The following SLC22A15 variants were observed in gnomAD, a reference collection of about 807,000 sequenced individuals.
SLC22A15 encodes flipt 1.
In SLC22A15, 45 loss-of-function variants were observed where a neutral mutation model predicts 62.7. That is an observed-to-expected ratio of 0.72 (90% CI 0.56 to 0.92). SLC22A15 has a LOEUF of 0.92. SLC22A15 is among the 40% of genes least tolerant of loss of function. The pLI, the probability that SLC22A15 is intolerant of heterozygous loss-of-function variation, is 0.00. For missense variants in SLC22A15, 622 were observed against 665.6 expected, an observed-to-expected ratio of 0.93 and a Z score of 0.72; for synonymous variants, 264 against 267.0, an observed-to-expected ratio of 0.99 and a Z score of 0.11.
At chr1:116,030,256 A>C (rs1347224565) in intron 5 of SLC22A15, among the ~76,000 whole-genome samples, 1 of 152,108 alleles carries the variant, frequency 6.6e-6, no homozygotes, top group Non-Finnish European at 1.5e-5. Context: ...CCATTACATT[A>C]CTCTGTACAA....
chr1:116,053,934 C>A (rs1443707103), intron 8 of SLC22A15, among the ~76,000 whole-genome samples: 1 of 151,036 alleles, frequency 6.6e-6, no homozygotes, highest in South Asian at 2.1e-4. Context: ...CAACCGGTAC[C>A]AGCCGCTGCA....
At chr1:116,066,948 C>A in intron 11 of SLC22A15, 71 bp from the exon 12 acceptor site, 2 of 1,219,158 alleles carry the variant, frequency 1.6e-6, no homozygotes, top group Non-Finnish European at 2.4e-6. Context: ...AGTTGAATAG[C>A]TAGATGGTAG....
At chr1:116,002,748 G>A (rs929658509) in intron 2 of SLC22A15, among the ~76,000 whole-genome samples, 3 of 152,048 alleles carry the variant, frequency 2.0e-5, no homozygotes, top group African/African-American at 7.2e-5. Context: ...AGGGGAATGG[G>A]TTCCCTTCTG....
At chr1:116,033,766 G>A (rs1161031366) in intron 6 of SLC22A15, among the ~76,000 whole-genome samples, 1 of 152,130 alleles carries the variant, frequency 6.6e-6, no homozygotes, top group Non-Finnish European at 1.5e-5. Flanking sequence ...AGATACCTGG[G>A]AGACAGTGAG....
chr1:116,014,108 A>C (rs1656411655), intron 2 of SLC22A15: 1 of 152,154 alleles, frequency 6.6e-6, no homozygotes. Flanking sequence ...TATAAATATC[A>C]AAAAAAGAAA....
intron 2 of SLC22A15, among the ~76,000 whole-genome samples, chr1:116,006,999 T>C (rs1656015059): frequency 6.6e-6 from 1 of 152,176 alleles, no homozygotes; most frequent in African/African-American, 2.4e-5. Flanking sequence ...ATGCGTAGAC[T>C]GGGATGTATA....
At chr1:116,062,070 G>A (rs749804843) in intron 8 of SLC22A15, among the ~76,000 whole-genome samples, 4 of 152,058 alleles carry the variant, frequency 2.6e-5, no homozygotes, top group East Asian at 3.9e-4. Flanking sequence ...TTAGCTGGGC[G>A]TAATGGTGGG....
chr1:116,012,365 T>C (rs918085323), intron 2 of SLC22A15, among the ~76,000 whole-genome samples: 1 of 151,914 alleles, frequency 6.6e-6, no homozygotes, highest in African/African-American at 2.4e-5. Context: ...ACTTAAGAAA[T>C]ATCTCCTAGT....
intron 2 of SLC22A15, among the ~76,000 whole-genome samples, chr1:115,998,153 C>A (rs2101122912): frequency 6.6e-6 from 1 of 152,130 alleles, no homozygotes; most frequent in East Asian, 1.9e-4. Flanking sequence ...TGATGGATGA[C>A]CTTTTAATGT....
intron 10 of SLC22A15, 124 bp downstream of exon 10, chr1:116,064,632 G>GCCCTTAA: frequency 1.4e-6 from 1 of 720,552 alleles, no homozygotes; most frequent in South Asian, 1.6e-5. Flanking sequence ...TGTGAACCTT[G>GCCCTTAA]GCCCTTTTAG....
intron 8 of SLC22A15, among the ~76,000 whole-genome samples, chr1:116,047,216 C>T (rs551355442): frequency 2.0e-4 from 30 of 152,142 alleles, no homozygotes; most frequent in Non-Finnish European, 4.0e-4. Flanking sequence ...ATCACAAGGT[C>T]AGGAGTTCGA....
Position 116,020,728 on chromosome 1 carries a change from T to C in SLC22A15, c.441T>C (p.Ala147=), listed in dbSNP as rs764330793. ...GRKKVYLTGF[A]LDILFAIANG... ...ATTGTTTTCTCTTTCTAGGTTTTGC[T>C]CTTGACATCTTATTTGCAATTGCAA... Residue 147 remains alanine (A), a synonymous_variant, in exon 4 of 12, where the codon GCT becomes GCC. Transcript: ENST00000369503. 5.6e-6 allele frequency: 9 copies of C among 1,611,270 alleles called. No homozygotes were observed. The highest frequency in any genetic ancestry group is 6.8e-6 in the Non-Finnish European group (8 of 1,178,520).
At chr1:116,035,113 C>G in intron 6 of SLC22A15, 74 bp from the exon 7 acceptor site, 4 of 1,478,950 alleles carry the variant, frequency 2.7e-6, no homozygotes, top group Non-Finnish European at 3.7e-6. Flanking sequence ...TGAATCTCCT[C>G]TGGCAAATTC....
At chr1:115,978,168 T>G (rs1271796955) in intron 1 of SLC22A15, among the ~76,000 whole-genome samples, 1 of 152,132 alleles carries the variant, frequency 6.6e-6, no homozygotes, top group Non-Finnish European at 1.5e-5. Context: ...TCCAGGAACA[T>G]ACATCCTTTC....
intron 2 of SLC22A15, among the ~76,000 whole-genome samples, chr1:115,995,008 T>A (rs934193469): frequency 2.0e-5 from 3 of 152,212 alleles, no homozygotes; most frequent in Non-Finnish European, 2.9e-5. Context: ...ACATTGATAT[T>A]TTTAAGCATC....
At chr1:116,052,911 C>A (rs1658101448) in intron 8 of SLC22A15, among the ~76,000 whole-genome samples, 1 of 152,052 alleles carries the variant, frequency 6.6e-6, no homozygotes, top group South Asian at 2.1e-4. Flanking sequence ...ATCTGTACAT[C>A]ACCATCATCA....
At chr1:116,053,375 A>G (rs1658114249) in intron 8 of SLC22A15, among the ~76,000 whole-genome samples, 1 of 152,160 alleles carries the variant, frequency 6.6e-6, no homozygotes, top group South Asian at 2.1e-4. Context: ...AAAGAAACGA[A>G]CAAAGCCTCC....
intron 2 of SLC22A15, among the ~76,000 whole-genome samples, chr1:116,006,311 A>G (rs370706912): frequency 5.3e-4 from 81 of 152,238 alleles, no homozygotes; most frequent in Non-Finnish European, 8.7e-4. Flanking sequence ...TGTATCTCCT[A>G]TGCTGACTTC....
At chr1:115,999,079 C>G (rs1472288561) in intron 2 of SLC22A15, among the ~76,000 whole-genome samples, 1 of 152,074 alleles carries the variant, frequency 6.6e-6, no homozygotes, top group African/African-American at 2.4e-5. Flanking sequence ...GTGTTTGTAT[C>G]GTTTTCAAAG....
Sources: allele counts gnomAD v4.1 joint callset (sites outside exome capture counted in the v4.1 genomes callset), GRCh38; gene constraint gnomAD v4.1.1; transcripts MANE v1.5; gene names NCBI Gene and HGNC (gene_info 2026-07-23, HGNC 2026-07-21).